The following P3H2 variants were observed in gnomAD, a reference collection of about 807,000 sequenced individuals.
P3H2 encodes leprecan-like 1.
Under a neutral mutation model 87.0 loss-of-function variants are expected in P3H2, and 80 were observed. The ratio of observed to expected loss-of-function variants is 0.92; its 90% CI spans 0.77 to 1.11. P3H2 has a LOEUF of 1.11. Ranked by LOEUF, P3H2 falls within the 50% of genes least tolerant of loss-of-function variation. P3H2 has a pLI of 0.00. For missense variants in P3H2, 1,001 were observed against 923.9 expected (o/e 1.08, Z -1.08); for synonymous variants, 367 against 359.3 (o/e 1.02, Z -0.24).
chr3:189,957,154 C>G lies in P3H2; in HGVS notation c.*758G>C. The G allele has an allele frequency of 2.5e-6, 1 of 398,596 alleles. No individual in the cohort carries two copies. The highest frequency in any genetic ancestry group is 4.4e-6 in the Non-Finnish European group (1 of 226,132). 24.7% of individuals were successfully genotyped at this position (398,596 alleles called of 1,614,324 possible). On this transcript the variant is annotated 3_prime_UTR_variant, in exon 15 of 15. Coordinates refer to ENST00000319332, the MANE Select transcript of P3H2 (RefSeq NM_018192.4). The stretch of plus-strand genomic sequence containing the variant: ...AGACTGAAGTCCCCTCTGTCTCATA[C>G]AGTAATCATCCATGAGATCTCCCGG...
intron 3 of P3H2, 103 bp downstream of exon 3, chr3:189,993,991 T>C (rs191546029): frequency 3.2e-4 from 288 of 895,900 alleles, no homozygotes; most frequent in Non-Finnish European, 4.6e-4. Context: ...GAGTCTTTTA[T>C]TTTTACAGTA....
chr3:190,009,143 T>A (rs1231844503), intron 1 of P3H2, among the ~76,000 whole-genome samples: 1 of 152,120 alleles, frequency 6.6e-6, no homozygotes, highest in Non-Finnish European at 1.5e-5. Context: ...GAGAGTTAGT[T>A]TTCTAGGAGT....
At chr3:190,066,481 CAG>C (rs1194412734) in intron 1 of P3H2, among the ~76,000 whole-genome samples, 3 of 151,794 alleles carry the variant, frequency 2.0e-5, no homozygotes, top group East Asian at 1.9e-4. Context: ...TTCAGGGACT[CAG>C]GGGGTAAGGA....
chr3:190,114,964 T>C (rs1712233213), intron 1 of P3H2, among the ~76,000 whole-genome samples: 1 of 152,234 alleles, frequency 6.6e-6, no homozygotes, highest in Admixed American at 6.5e-5. Context: ...GGGTTTTCAA[T>C]TTCATTTTAA....
intron 6 of P3H2, among the ~76,000 whole-genome samples, chr3:189,986,060 T>C (rs566301853): frequency 5.1e-4 from 77 of 152,328 alleles, no homozygotes; most frequent in Non-Finnish European, 8.1e-4. Context: ...GAAGTCAGCA[T>C]GATGGGTGTG....
intron 1 of P3H2, among the ~76,000 whole-genome samples, chr3:190,001,370 C>T (rs1055900758): frequency 6.6e-6 from 1 of 152,120 alleles, no homozygotes; most frequent in African/African-American, 2.4e-5. Flanking sequence ...CAGAGTAAAA[C>T]ATCAAGCGTA....
At chr3:190,078,562 A>G (rs984340902) in intron 1 of P3H2, among the ~76,000 whole-genome samples, 1 of 152,186 alleles carries the variant, frequency 6.6e-6, no homozygotes, top group South Asian at 2.1e-4. Context: ...GGAAACTTCT[A>G]ATCAAGCAAA....
chr3:189,977,413 A>G (rs1267716511), intron 8 of P3H2, among the ~76,000 whole-genome samples: 1 of 152,180 alleles, frequency 6.6e-6, no homozygotes, highest in African/African-American at 2.4e-5. Flanking sequence ...CCATAGTCCA[A>G]CAACTTTTTG....
intron 1 of P3H2, among the ~76,000 whole-genome samples, chr3:190,005,340 T>C (rs1724355500): frequency 6.6e-6 from 1 of 152,188 alleles, no homozygotes; most frequent in Non-Finnish European, 1.5e-5. Context: ...GTAGACTGCA[T>C]GGGGGCATAT....
intron 1 of P3H2, among the ~76,000 whole-genome samples, chr3:190,043,235 C>T (rs1725698385): frequency 6.6e-6 from 1 of 152,052 alleles, no homozygotes; most frequent in Non-Finnish European, 1.5e-5. Context: ...TCATATAAGG[C>T]TTATTATGTA....
intron 1 of P3H2, among the ~76,000 whole-genome samples, chr3:190,049,048 C>T (rs1159650055): frequency 6.6e-6 from 1 of 152,126 alleles, no homozygotes; most frequent in Non-Finnish European, 1.5e-5. Context: ...AGGGCACGTC[C>T]GTGACTCAGT....
At chr3:190,022,039 A>G (rs1309352163) in intron 1 of P3H2, among the ~76,000 whole-genome samples, 1 of 135,170 alleles carries the variant, frequency 7.4e-6, no homozygotes, top group Admixed American at 7.5e-5. Context: ...GATAAAAATA[A>G]TGTTCTTCTA....
chr3:189,978,710 T>C (rs1370214160), intron 8 of P3H2, among the ~76,000 whole-genome samples: 1 of 147,966 alleles, frequency 6.8e-6, no homozygotes, highest in East Asian at 2.0e-4. Flanking sequence ...AAAAGACAAA[T>C]GAAACCCTAT....
Position 189,984,725 on chromosome 3 carries a change from G to A in P3H2, c.1189-135C>T, listed in dbSNP as rs374590301. On this transcript the variant is annotated intron_variant, in intron 6 of 14. Transcript: ENST00000319332. ...TTAGGAATTTTGCATATTGTGTAAA[G>A]ATACAATATATTTATATTTTATAGA... 5 of 627,374 alleles carry A rather than the reference G, an allele frequency of 8.0e-6. No individual in the cohort carries two copies. In the Admixed American group the frequency reaches 1.1e-4, roughly 13 times the overall value. 38.9% of individuals were successfully genotyped at this position (627,374 alleles called of 1,614,324 possible). A position where few individuals can be genotyped will look rare whatever the true frequency, so the allele number is the denominator to read the frequency against.
At chr3:189,968,382 A>T (rs60575434) in intron 13 of P3H2, among the ~76,000 whole-genome samples, 2,601 of 152,194 alleles carry the variant, frequency 0.017, 69 homozygotes, top group African/African-American at 0.06. Flanking sequence ...GTTGAGAATG[A>T]TGGTTTCCAG....
chr3:190,103,272 T>A (rs1373867615), intron 1 of P3H2, among the ~76,000 whole-genome samples: 1 of 152,210 alleles, frequency 6.6e-6, no homozygotes, highest in Non-Finnish European at 1.5e-5. Context: ...TGAGTTTCCA[T>A]CACGTGCAAG....
chr3:190,104,780 A>G (rs1711767114), intron 1 of P3H2, among the ~76,000 whole-genome samples: 1 of 152,260 alleles, frequency 6.6e-6, no homozygotes, highest in South Asian at 2.1e-4. Flanking sequence ...CTCAGATGTC[A>G]TCTCATGGAG....
At position 189,986,799 on chromosome 3, in the gene P3H2, A is replaced by T. The variant is rs1366004910; in HGVS notation, c.1177T>A (p.Tyr393Asn). The T allele has an allele frequency of 1.2e-5, 19 of 1,606,246 alleles. No individual in the cohort carries two copies. The highest frequency in any genetic ancestry group is 1.5e-5 in the Non-Finnish European group (18 of 1,172,982). The change falls in exon 6 of 15, where the codon TAC becomes AAC. Residue 393 changes from tyrosine to asparagine, a missense_variant. Transcript: ENST00000319332. Reference protein sequence around the residue: ...KSAAEGLGFSYTEPNYWIRYG... With the variant: ...KSAAEGLGFSNTEPNYWIRYG... The stretch of plus-strand genomic sequence containing the variant: ...CTCTTTCCTCTTACCGGTTCAGTGT[A>T]TGAAAACCCCAGACCTTCTGCAGCT...
Position 189,987,625 on chromosome 3 carries a change from G to C in P3H2, c.1000C>G (p.Leu334Val), listed in dbSNP as rs1234943720. 6.2e-7 allele frequency: 1 copy of C among 1,613,984 alleles called. No individual in the cohort carries two copies. The highest frequency in any genetic ancestry group is 8.5e-7 in the Non-Finnish European group (1 of 1,180,028). Residue 334 changes from leucine (L) to valine (V), a missense_variant, in exon 5 of 15, where the codon CTA (leucine) becomes GTA (valine). Transcript: ENST00000319332. ...ACATCCTCATCATCTGGATGGCATA[G>C]AAGATAGGCTTTGGCACACTCCAGG... ...KALECAKAYL[L>V]CHPDDEDVLD...
Sources: gnomAD v4.1 joint callset for allele counts (sites outside exome capture counted in the v4.1 genomes callset) on GRCh38, gnomAD v4.1.1 for gene constraint, MANE v1.5 for transcripts, NCBI Gene and HGNC (gene_info 2026-07-23, HGNC 2026-07-21) for gene names.